Variants in DDX10 observed in about 807,000 individuals in gnomAD.
DDX10 encodes DEAD-box helicase 10, also known as probable ATP-dependent RNA helicase DDX10.
A neutral mutation model predicts 104.3 loss-of-function variants in DDX10; 74 were observed. The observed-to-expected ratio is 0.71, with a 90% CI of 0.59 to 0.86. The LOEUF (loss-of-function observed/expected upper bound fraction) is 0.86. Ranked by LOEUF, DDX10 falls within the 40% of genes least tolerant of loss-of-function variation. DDX10 has a pLI of 0.00. For missense variants in DDX10, 952 were observed against 1,040.0 expected (o/e 0.92, Z 1.16); for synonymous variants, 351 against 353.4 (o/e 0.99, Z 0.08).
At chr11:108,779,819 C>A (rs2094375741) in intron 13 of DDX10, among the ~76,000 whole-genome samples, 1 of 152,050 alleles carries the variant, frequency 6.6e-6, no homozygotes, top group African/African-American at 2.4e-5. Flanking sequence ...CAGAGAGATC[C>A]TTGAGAGTCT....
rs575909848 is a variant in DDX10 at position 108,929,254 on chromosome 11, A to T, written c.2451-10992A>T. On this transcript the variant is annotated intron_variant, in intron 17 of 17. Coordinates refer to ENST00000322536, the MANE Select transcript of DDX10 (RefSeq NM_004398.4). ...AACAAAAAGCAGACAAGAGGTGGTG[A>T]CAGGGCCTTGAAAACAATAACTGAT... is the stretch of plus-strand genomic sequence containing the variant. Among the ~76,000 whole-genome samples the T allele has an allele frequency of 7.2e-5, 11 of 152,330 alleles. No individual in the cohort carries two copies. The South Asian group carries it at 2.3e-3, about 32-fold the overall frequency.
intron 13 of DDX10, among the ~76,000 whole-genome samples, chr11:108,802,155 T>A (rs1014993433): frequency 3.3e-5 from 5 of 152,084 alleles, no homozygotes; most frequent in African/African-American, 9.7e-5. Flanking sequence ...CGTTATCCAA[T>A]ATGCATGGGA....
In DDX10 at chr11:108,723,029, G is replaced by C; in HGVS notation, c.1532G>C (p.Arg511Thr). 6.2e-7 allele frequency: 1 copy of C among 1,611,510 alleles called. No homozygotes were observed. Among genetic ancestry groups the C allele is most frequent in the Non-Finnish European group, 8.5e-7 (1 of 1,179,170 alleles). ...GGTCTTGCTGTGGCACCACGCGTAA[G>C]ATTTCTTCAGAAAATGCAGAAACAA... ...SLGLAVAPRV[R>T]FLQKMQKQPT... The change falls in exon 13 of 18, where the codon AGA becomes ACA. Residue 511 changes from arginine (R) to threonine (T), a missense_variant. This residue lies in a region of DDX10 where 533 missense variants were observed against 534.1 expected (regional missense o/e 1.00). Coordinates refer to ENST00000322536, the MANE Select transcript of DDX10 (RefSeq NM_004398.4).
chr11:108,668,755 C>T (rs2094213272), intron 1 of DDX10, among the ~76,000 whole-genome samples: 1 of 152,056 alleles, frequency 6.6e-6, no homozygotes, highest in Admixed American at 6.5e-5. Context: ...CCTAGGGAAC[C>T]TGGGCATGTA....
At chr11:108,669,348 G>A (rs2094214114) in intron 1 of DDX10, among the ~76,000 whole-genome samples, 1 of 152,094 alleles carries the variant, frequency 6.6e-6, no homozygotes. Context: ...CTGCCCACCT[G>A]TAATTCCAAA....
intron 16 of DDX10, among the ~76,000 whole-genome samples, chr11:108,866,521 A>T (rs114751738): frequency 0.01 from 1,539 of 152,240 alleles, 22 homozygotes; most frequent in African/African-American, 0.036. Flanking sequence ...CAAGAAGTAT[A>T]CCTGTAAGAT....
rs745367688 is a variant in DDX10, at chr11:108,678,420, G to T, written c.643G>T (p.Asp215Tyr). 1.2e-6 allele frequency: 2 copies of T among 1,600,984 alleles called. No individual in the cohort carries two copies. The highest frequency in any genetic ancestry group is 2.7e-5 in the African/African-American group (2 of 74,064). The change falls in exon 5 of 18, where the codon GAC becomes TAC. Residue 215 changes from aspartate to tyrosine, a missense_variant. Coordinates refer to ENST00000322536, the MANE Select transcript of DDX10 (RefSeq NM_004398.4). ...TGAAACAGTATCTTTTCATGCTACC[G>T]ACCTCCAAATGTTAGGTGAGTCAAA... ...MDETVSFHAT[D>Y]LQMLVLDEAD...
chr11:108,935,016 G>GA (rs1336581510), intron 17 of DDX10, among the ~76,000 whole-genome samples: 1 of 152,104 alleles, frequency 6.6e-6, no homozygotes, highest in African/African-American at 2.4e-5. Flanking sequence ...TTGGGGCTTT[G>GA]AACAACCCTA....
chr11:108,677,281 A>G (rs201840055), intron 4 of DDX10, 38 bp downstream of exon 4: 2 of 1,583,694 alleles, frequency 1.3e-6, no homozygotes, highest in Non-Finnish European at 1.7e-6. Context: ...TTCCTTCTGT[A>G]ACCTATACTG....
At chr11:108,839,547 C>G (rs1862607682) in intron 14 of DDX10, among the ~76,000 whole-genome samples, 1 of 152,148 alleles carries the variant, frequency 6.6e-6, no homozygotes, top group Admixed American at 6.5e-5. Flanking sequence ...AAAATAACAG[C>G]TTTTCATATT....
chr11:108,902,185 A>T (rs761287291), intron 16 of DDX10, among the ~76,000 whole-genome samples: 7 of 152,202 alleles, frequency 4.6e-5, no homozygotes, highest in Admixed American at 2.0e-4. Context: ...TGATTGACAC[A>T]CAGGGCTCTA....
At chr11:108,666,748 G>A (rs974075149) in intron 1 of DDX10, among the ~76,000 whole-genome samples, 2 of 152,270 alleles carry the variant, frequency 1.3e-5, no homozygotes, top group African/African-American at 2.4e-5. Context: ...GGGCGCTTAC[G>A]ATTGCGTTTA....
Position 108,692,028 on chromosome 11 carries a change from C to T in DDX10, c.1128C>T (p.Ala376=), listed in dbSNP as rs752523415. The part of the protein sequence containing the change: ...AAVLFATDIA[A]RGLDFPAVNW... Reference sequence around the variant, plus strand: ...TACTCTTTGCTACTGATATTGCAGCCAGGGGTCTGGGTAAGAAAACTTCCT... The same window carrying T: ...TACTCTTTGCTACTGATATTGCAGCTAGGGGTCTGGGTAAGAAAACTTCCT... Residue 376 remains alanine, a synonymous_variant, in exon 8 of 18, where the codon GCC becomes GCT. Transcript: ENST00000322536. The T allele has an allele frequency of 1.2e-6, 2 of 1,600,668 alleles. No individual in the cohort carries two copies. Among genetic ancestry groups the T allele is most frequent in the African/African-American group, 2.7e-5 (2 of 74,296 alleles).
chr11:108,735,019 C>T (rs1392251182), intron 13 of DDX10, among the ~76,000 whole-genome samples: 1 of 152,182 alleles, frequency 6.6e-6, no homozygotes, highest in Non-Finnish European at 1.5e-5. Flanking sequence ...TTTGTGATGG[C>T]ACTGGATTCA....
chr11:108,860,578 C>T (rs1382709083), intron 16 of DDX10: 1 of 151,938 alleles, frequency 6.6e-6, no homozygotes, highest in African/African-American at 2.4e-5. Context: ...GACAGTCTCA[C>T]TTCATCACCC....
intron 13 of DDX10, among the ~76,000 whole-genome samples, chr11:108,765,969 T>A (rs1007280940): frequency 3.9e-5 from 6 of 152,234 alleles, no homozygotes; most frequent in Admixed American, 3.9e-4. Flanking sequence ...CAAAATTGAA[T>A]GACCAAGGTT....
chr11:108,836,481 G>A (rs1862556768), intron 13 of DDX10, among the ~76,000 whole-genome samples: 1 of 152,018 alleles, frequency 6.6e-6, no homozygotes, highest in Non-Finnish European at 1.5e-5. Flanking sequence ...ATTGCATGGT[G>A]GTTTTTTTGC....
At chr11:108,673,188 T>C (rs897820005) in intron 1 of DDX10, among the ~76,000 whole-genome samples, 1 of 152,218 alleles carries the variant, frequency 6.6e-6, no homozygotes, top group African/African-American at 2.4e-5. Context: ...CTTTACTGTG[T>C]TCAACATTTT....
intron 9 of DDX10, among the ~76,000 whole-genome samples, chr11:108,701,342 G>A (rs894933584): frequency 1.3e-5 from 2 of 152,082 alleles, no homozygotes; most frequent in South Asian, 4.1e-4. Context: ...GTTGTCATAG[G>A]TAAGGCTGAG....
Sources: allele counts gnomAD v4.1 joint callset (sites outside exome capture counted in the v4.1 genomes callset), GRCh38; gene constraint gnomAD v4.1.1; regional missense constraint gnomAD v4.1.1; transcripts MANE v1.5; gene names NCBI Gene and HGNC (gene_info 2026-07-23, HGNC 2026-07-21).